The following CCDC7 variants were observed in gnomAD, a reference collection of about 807,000 sequenced individuals.
CCDC7 encodes coiled-coil domain containing 7, also known as coiled-coil domain-containing protein 7.
Under a neutral mutation model 196.9 loss-of-function variants are expected in CCDC7, and 183 were observed. The observed-to-expected ratio is 0.93, with a 90% confidence interval of 0.82 to 1.05. CCDC7 has a LOEUF of 1.05. Among genes scored for constraint, CCDC7 ranks in the 50% least tolerant of loss-of-function variants. The probability of loss-of-function intolerance (pLI) is 0.00; values close to 1 mark genes in which losing one functional copy is unlikely to be tolerated. For missense variants in CCDC7, 1,540 were observed against 1,482.2 expected (o/e 1.04, Z -0.64); for synonymous variants, 525 against 484.6 (o/e 1.08, Z -1.10).
At chr10:32,611,258 TG>T (rs1407915070) in intron 18 of CCDC7, among the ~76,000 whole-genome samples, 23 of 152,246 alleles carry the variant, frequency 1.5e-4, no homozygotes, top group African/African-American at 5.5e-4. Context: ...GCCCACTTTT[TG>T]ATGGGGTTGT....
upstream of CCDC7, among the ~76,000 whole-genome samples, chr10:32,447,667 T>G (rs945056485): frequency 6.6e-6 from 1 of 152,114 alleles, no homozygotes; most frequent in African/African-American, 2.4e-5. Context: ...TTTGGGAGGC[T>G]GAGGTGGGAG....
chr10:32,710,295 C>G (rs991720953), intron 24 of CCDC7, among the ~76,000 whole-genome samples: 2 of 152,204 alleles, frequency 1.3e-5, no homozygotes. Flanking sequence ...CCATGAGTCT[C>G]AATCCCTTGC....
At chr10:32,638,157 A>G (rs1008027093) in intron 20 of CCDC7, among the ~76,000 whole-genome samples, 1 of 152,184 alleles carries the variant, frequency 6.6e-6, no homozygotes, top group East Asian at 1.9e-4. Context: ...TTCTAGATAT[A>G]CAATCATGTC....
At chr10:32,783,484 C>G (rs1447817905) in intron 29 of CCDC7, among the ~76,000 whole-genome samples, 5 of 152,084 alleles carry the variant, frequency 3.3e-5, no homozygotes, top group East Asian at 1.9e-4. Context: ...TAAGATGACT[C>G]TCATTATAAA....
chr10:32,817,390 G>A (rs999891228), intron 31 of CCDC7, among the ~76,000 whole-genome samples: 1 of 152,188 alleles, frequency 6.6e-6, no homozygotes, highest in Non-Finnish European at 1.5e-5. Flanking sequence ...CAGGGAGAAT[G>A]GAACCAAGTT....
chr10:32,505,491 T>C (rs1474404210), intron 9 of CCDC7, among the ~76,000 whole-genome samples: 1 of 152,050 alleles, frequency 6.6e-6, no homozygotes, highest in African/African-American at 2.4e-5. Context: ...GAGCACGGGG[T>C]TGGGGGTAAG....
intron 29 of CCDC7, among the ~76,000 whole-genome samples, chr10:32,796,189 A>G (rs2083524701): frequency 6.6e-6 from 1 of 151,948 alleles, no homozygotes; most frequent in Non-Finnish European, 1.5e-5. Context: ...CTGTGGTCCT[A>G]AAAATTGTCT....
At chr10:32,510,053 A>C (rs189084419) in intron 9 of CCDC7, among the ~76,000 whole-genome samples, 1 of 152,340 alleles carries the variant, frequency 6.6e-6, no homozygotes, top group East Asian at 1.9e-4. Context: ...AAGGAACTTA[A>C]ATCAATATGT....
At chr10:32,881,746 A>C (rs1398771132), downstream of CCDC7, among the ~76,000 whole-genome samples, 2 of 151,856 alleles carry the variant, frequency 1.3e-5, no homozygotes, top group Non-Finnish European at 2.9e-5. Flanking sequence ...CCCACACCCC[A>C]CAATTACAGG....
At chr10:32,873,637 C>T (rs1213011113) in intron 41 of CCDC7, among the ~76,000 whole-genome samples, 3 of 151,862 alleles carry the variant, frequency 2.0e-5, no homozygotes, top group Non-Finnish European at 2.9e-5. Context: ...AGTTGGTGGA[C>T]ATTTGGATTG....
intron 41 of CCDC7, among the ~76,000 whole-genome samples, chr10:32,862,676 A>G (rs908724669): frequency 1.3e-5 from 2 of 152,106 alleles, no homozygotes; most frequent in African/African-American, 2.4e-5. Flanking sequence ...TGTTCAACAC[A>G]GTACTAGAAG....
chr10:32,669,062 A>T (rs941427946), intron 21 of CCDC7, among the ~76,000 whole-genome samples: 2 of 152,034 alleles, frequency 1.3e-5, no homozygotes, highest in Admixed American at 1.3e-4. Flanking sequence ...TATTGTGGTG[A>T]GGTACAATCC....
At chr10:32,671,451 G>A (rs1160473587) in intron 21 of CCDC7, among the ~76,000 whole-genome samples, 2 of 152,082 alleles carry the variant, frequency 1.3e-5, no homozygotes, top group Non-Finnish European at 2.9e-5. Flanking sequence ...TTTATGCAAT[G>A]ATAAAATTGC....
intron 9 of CCDC7, among the ~76,000 whole-genome samples, chr10:32,506,500 G>T (rs2135176562): frequency 6.6e-6 from 1 of 152,358 alleles, no homozygotes; most frequent in South Asian, 2.1e-4. Flanking sequence ...GGCCAAGGCA[G>T]GTGGCTGGGA....
chr10:32,882,017 C>T (rs554149535), downstream of CCDC7, among the ~76,000 whole-genome samples: 1 of 152,166 alleles, frequency 6.6e-6, no homozygotes, highest in East Asian at 1.9e-4. Context: ...TGAGTTTAAC[C>T]TCTAGCATAT....
intron 9 of CCDC7, among the ~76,000 whole-genome samples, chr10:32,517,028 C>A (rs1376619593): frequency 6.6e-6 from 1 of 152,136 alleles, no homozygotes; most frequent in East Asian, 1.9e-4. Flanking sequence ...TATGGTCTAT[C>A]CATACTGTGG....
chr10:32,471,803 A>G (rs2038012578), intron 6 of CCDC7, among the ~76,000 whole-genome samples: 1 of 152,162 alleles, frequency 6.6e-6, no homozygotes, highest in African/African-American at 2.4e-5. Flanking sequence ...CTTTAGTGAT[A>G]TCTCTGTCAA....
chr10:32,698,547 T>C (rs1033648617), intron 24 of CCDC7, among the ~76,000 whole-genome samples: 3 of 152,078 alleles, frequency 2.0e-5, no homozygotes, highest in Non-Finnish European at 4.4e-5. Context: ...ACGAGAACTA[T>C]GTGATGCATG....
chr10:32,681,432 G>C (rs1339933410), intron 21 of CCDC7, among the ~76,000 whole-genome samples: 1 of 152,086 alleles, frequency 6.6e-6, no homozygotes, highest in African/African-American at 2.4e-5. Context: ...TCACAATACA[G>C]CTACTGTCTG....
Sources: allele counts gnomAD v4.1 joint callset (sites outside exome capture counted in the v4.1 genomes callset), GRCh38; gene constraint gnomAD v4.1.1; transcripts MANE v1.5; gene names NCBI Gene and HGNC (gene_info 2026-07-23, HGNC 2026-07-21).